OLAH: variants seen among roughly 807,000 people sequenced by gnomAD.
OLAH encodes the protein oleoyl-ACP hydrolase.
In OLAH, 33 loss-of-function variants were observed where a neutral mutation model predicts 27.8. The observed-to-expected ratio is 1.19, with a 90% CI of 0.90 to 1.59. The LOEUF is 1.59. Among genes scored for constraint, OLAH ranks in the 40% most tolerant of loss-of-function variants. The pLI is 0.00. For synonymous variants in OLAH, 120 were observed against 102.9 expected (o/e 1.17, Z -1.01); for missense variants, 359 against 310.8 (o/e 1.16, Z -1.17).
rs551812089 is a variant in OLAH at position 15,066,278 on chromosome 10, T to C, written c.572+525T>C. On this transcript the variant is annotated intron_variant, in intron 6 of 7. Coordinates refer to ENST00000378228, the MANE Select transcript of OLAH (RefSeq NM_001039702.3). ...AAAAAGTCTAGCATGTATTTTTCTTTAAAAAATATATGATTAGACATGTAT... is the reference window on the plus strand; with the variant it reads ...AAAAAGTCTAGCATGTATTTTTCTTCAAAAAATATATGATTAGACATGTAT... 1.9e-4 allele frequency among the ~76,000 whole-genome samples: 29 copies of C among 152,018 alleles called. No homozygotes were observed. In the South Asian group the frequency reaches 6.0e-3, roughly 32 times the overall value.
chr10:15,041,280 A>AT (rs529932860), upstream of OLAH, among the ~76,000 whole-genome samples: 6,350 of 78,796 alleles, frequency 0.081, 221 homozygotes, highest in African/African-American at 0.18. Flanking sequence ...TTTTATTTTT[A>AT]TTTTTATTTT....
At chr10:15,071,470 A>G in intron 6 of OLAH, 1 of 955,268 alleles carries the variant, frequency 1.0e-6, no homozygotes, top group Non-Finnish European at 1.2e-6. Flanking sequence ...AGGAGAGCTA[A>G]GAGTTACTAA....
At chr10:15,066,618 T>C (rs1487682085) in intron 6 of OLAH, among the ~76,000 whole-genome samples, 1 of 25,310 alleles carries the variant, frequency 4.0e-5, no homozygotes, top group East Asian at 0.02. Context: ...TATTTATTTA[T>C]TTATTTATTT....
At chr10:15,039,216 A>G (rs1019709557), upstream of OLAH, among the ~76,000 whole-genome samples, 1 of 151,744 alleles carries the variant, frequency 6.6e-6, no homozygotes, top group Non-Finnish European at 1.5e-5. Context: ...ACAGAGGAAG[A>G]CTATGTCTCT....
rs889363769 is a variant in OLAH, at chr10:15,071,434, G to A, written c.573-361G>A. 6.6e-6 allele frequency: 5 copies of A among 761,042 alleles called. No homozygotes were observed. In the African/African-American group the frequency reaches 9.5e-5, roughly 14 times the overall value. 47.1% of individuals were successfully genotyped at this position (761,042 alleles called of 1,614,324 possible). A position where few individuals can be genotyped will look rare whatever the true frequency, so the allele number is the denominator to read the frequency against. On this transcript the variant is annotated intron_variant, in intron 6 of 7. Coordinates refer to ENST00000378228, the MANE Select transcript of OLAH (RefSeq NM_001039702.3). ...ACGTTTGCTGCTGTTGTGAGGTTCT[G>A]TGCAGAGCAACCCTCTGCTGGGCCA...
At chr10:15,047,438 T>C (rs922082241) in intron 2 of OLAH, 118 bp downstream of exon 2, 3 of 1,004,846 alleles carry the variant, frequency 3.0e-6, no homozygotes, top group Non-Finnish European at 4.6e-6. Context: ...CTCACACTTG[T>C]AATCCCAGCA....
chr10:15,047,422 C>A, intron 2 of OLAH, 102 bp downstream of exon 2: 1 of 1,146,774 alleles, frequency 8.7e-7, no homozygotes, highest in Non-Finnish European at 1.3e-6. Context: ...GTTTCTCAGC[C>A]AGGTGCTCAC....
In OLAH at chr10:15,071,953, A is replaced by G. The variant is rs928336181; in HGVS notation, c.655+76A>G. ...CTTTAAAATTTTTTTTTTTCTTTTG[A>G]GACAGAGTCTCGCCCTGTCACCCAG... On this transcript the variant is annotated intron_variant, in intron 7 of 7. Transcript: ENST00000378228. 3.7e-6 allele frequency: 4 copies of G among 1,088,282 alleles called. No homozygotes were observed. In the African/African-American group the frequency reaches 6.3e-5, roughly 17 times the overall value. 67.4% of individuals were successfully genotyped at this position (1,088,282 alleles called of 1,614,324 possible).
In OLAH at chr10:15,073,550, C is replaced by T. The variant is rs1217189479; in HGVS notation, c.*321C>T. The T allele has an allele frequency of 1.6e-5, 3 of 191,568 alleles. No individual in the cohort carries two copies. Among genetic ancestry groups the T allele is most frequent in the East Asian group, 3.4e-4 (2 of 5,854 alleles). 11.9% of individuals were successfully genotyped at this position (191,568 alleles called of 1,614,324 possible). A position where few individuals can be genotyped will look rare whatever the true frequency, so the allele number is the denominator to read the frequency against. On this transcript the variant is annotated 3_prime_UTR_variant, in exon 8 of 8. Coordinates refer to ENST00000378228, the MANE Select transcript of OLAH (RefSeq NM_001039702.3). ...TGGTGGGCACCTGTAGTCCCAGCTACTCGGGAGGCTGAGGCAGGAGAATGG... is the reference window on the plus strand; with the variant it reads ...TGGTGGGCACCTGTAGTCCCAGCTATTCGGGAGGCTGAGGCAGGAGAATGG...
Position 15,047,299 on chromosome 10 carries a change from G to A in OLAH, c.11G>A (p.Gly4Glu), listed in dbSNP as rs1255753851. The change falls in exon 2 of 8, where the codon GGA (glycine) becomes GAA (glutamate). Residue 4 changes from glycine to glutamate, a missense_variant. Coordinates refer to ENST00000378228, the MANE Select transcript of OLAH (RefSeq NM_001039702.3). Reference sequence around the variant, plus strand: ...ACCTCACCTCACAGCATGGAGAGAGGAGACCAACCTAAGAGAACCAGGCAG... The same window carrying A: ...ACCTCACCTCACAGCATGGAGAGAGAAGACCAACCTAAGAGAACCAGGCAG... The part of the protein sequence containing the change: MER[G>E]DQPKRTRNEN... 1.2e-6 allele frequency: 2 copies of A among 1,613,422 alleles called. No individual in the cohort carries two copies. Among genetic ancestry groups the A allele is most frequent in the African/African-American group, 1.3e-5 (1 of 74,856 alleles).
intron 3 of OLAH, 54 bp from the exon 4 acceptor site, chr10:15,061,670 C>CACAAT: frequency 6.9e-7 from 1 of 1,442,714 alleles, no homozygotes; most frequent in East Asian, 2.4e-5. Context: ...TTTATAACAT[C>CACAAT]ACAATATCTC....
intron 3 of OLAH, among the ~76,000 whole-genome samples, chr10:15,060,805 T>C (rs1844347495): frequency 1.3e-5 from 2 of 152,190 alleles, no homozygotes; most frequent in Non-Finnish European, 2.9e-5. Flanking sequence ...TTTTGGCATG[T>C]CTGGTGAGTT....
intron 3 of OLAH, among the ~76,000 whole-genome samples, chr10:15,053,999 G>T (rs1191720912): frequency 6.6e-6 from 1 of 151,430 alleles, no homozygotes; most frequent in African/African-American, 2.4e-5. Flanking sequence ...CAAAGTGCTG[G>T]GATTATAGGC....
chr10:15,073,134 G>A lies in OLAH; in HGVS notation c.703G>A (p.Gly235Arg), dbSNP rs771190215. 6.2e-7 allele frequency: 1 copy of A among 1,613,344 alleles called. No individual in the cohort carries two copies. Among genetic ancestry groups the A allele is most frequent in the South Asian group, 1.1e-5 (1 of 91,044 alleles). The change falls in exon 8 of 8, where the codon GGG (glycine) becomes AGG (arginine). Residue 235 changes from glycine (G) to arginine (R), a missense_variant. By Grantham distance (125) the Gly-to-Arg change is moderately radical. Transcript: ENST00000378228. ...SGNAKIYQLP[G>R]GHFYLLDPAN... The stretch of plus-strand genomic sequence containing the variant: ...AAATGCTAAAATTTACCAGCTTCCA[G>A]GGGGTCACTTTTATCTTCTGGATCC...
At chr10:15,069,603 A>G (rs1334445820) in intron 6 of OLAH, among the ~76,000 whole-genome samples, 5 of 152,192 alleles carry the variant, frequency 3.3e-5, no homozygotes, top group Non-Finnish European at 7.3e-5. Context: ...ACGGTGGCTC[A>G]TGCCTGGAAT....
At chr10:15,063,848 T>C (rs1029957310) in intron 4 of OLAH, among the ~76,000 whole-genome samples, 1 of 152,238 alleles carries the variant, frequency 6.6e-6, no homozygotes, top group Non-Finnish European at 1.5e-5. Flanking sequence ...GTGGCATCAT[T>C]TGATACTTTT....
At chr10:15,032,634 A>G (rs1047081619) in intron 1 of OLAH, among the ~76,000 whole-genome samples, 13 of 151,856 alleles carry the variant, frequency 8.6e-5, no homozygotes, top group Non-Finnish European at 1.5e-4. Flanking sequence ...AAAAAAAAAA[A>G]AAAAAGAAAA....
chr10:15,049,322 T>C (rs1844086894), intron 2 of OLAH, among the ~76,000 whole-genome samples: 1 of 152,010 alleles, frequency 6.6e-6, no homozygotes, highest in Non-Finnish European at 1.5e-5. Flanking sequence ...TTTGTTGACA[T>C]GAGGTCTCAC....
chr10:15,058,936 C>T (rs1844300041), intron 3 of OLAH, among the ~76,000 whole-genome samples: 1 of 144,582 alleles, frequency 6.9e-6, no homozygotes, highest in African/African-American at 2.6e-5. Context: ...CCCTCCTTCC[C>T]TCTCTCCTTC....
Sources: gnomAD v4.1 joint callset for allele counts (sites outside exome capture counted in the v4.1 genomes callset) on GRCh38, gnomAD v4.1.1 for gene constraint, MANE v1.5 for transcripts, NCBI Gene and HGNC (gene_info 2026-07-23, HGNC 2026-07-21) for gene names.